HLA-DQA1: variants seen among roughly 807,000 people sequenced by gnomAD.
HLA-DQA1 encodes the protein major histocompatibility complex, class II, DQ alpha 1, also known as HLA class II histocompatibility antigen, DQ alpha 1 chain.
HLA-DQA1 carries 10 observed loss-of-function variants against 20.7 expected under a neutral mutation model. The ratio of observed to expected loss-of-function variants is 0.48; its 90% CI spans 0.30 to 0.82. The LOEUF is 0.82. Among genes scored for constraint, HLA-DQA1 ranks in the 40% least tolerant of loss-of-function variants. The pLI, the probability that HLA-DQA1 is intolerant of heterozygous loss-of-function variation, is 0.07. For missense variants in HLA-DQA1, 127 were observed against 293.0 expected (o/e 0.43, Z 4.14); for synonymous variants, 39 against 109.2 (o/e 0.36, Z 4.01).
At chr6:32,647,808 A>T (rs1782032562), downstream of HLA-DQA1, among the ~76,000 whole-genome samples, 1 of 151,958 alleles carries the variant, frequency 6.6e-6, no homozygotes, top group Non-Finnish European at 1.5e-5. Context: ...TATGTTCATT[A>T]ATTCATCAAA....
At chr6:32,654,134 G>C in the HLA-DQA1 span, among the ~76,000 whole-genome samples, 1 of 74,790 alleles carries the variant, frequency 1.3e-5, no homozygotes, top group Non-Finnish European at 3.1e-5. Flanking sequence ...CTGAAACTCT[G>C]TCTTTACAAA....
chr6:32,639,008 G>A, intron 1 of HLA-DQA1: 1 of 329,378 alleles, frequency 3.0e-6, no homozygotes, highest in South Asian at 2.2e-5. Flanking sequence ...AAGTGAACTG[G>A]AAGGTACTTT....
At chr6:32,644,110 AAACC>A (rs1425919662), downstream of HLA-DQA1, 2 of 152,058 alleles carry the variant, frequency 1.3e-5, no homozygotes, top group African/African-American at 2.4e-5. Flanking sequence ...CTTATGAGAG[AAACC>A]CTAGGAAGAA....
At position 32,641,525 on chromosome 6, in the gene HLA-DQA1, A is replaced by T; in HGVS notation, c.298A>T (p.Ile100Phe). 9.7e-7 allele frequency: 1 copy of T among 1,031,840 alleles called. No individual in the cohort carries two copies. The highest frequency in any genetic ancestry group is 1.5e-5 in the South Asian group (1 of 65,528). The allele number at this position is 1,031,840 out of a possible 1,614,324, so 63.9% of individuals were successfully genotyped here. Residue 100 changes from isoleucine to phenylalanine, a missense_variant, in exon 2 of 5, where the codon ATT (isoleucine) becomes TTT (phenylalanine). Around this residue, in one of 4 missense-constraint regions of HLA-DQA1, gnomAD observed 30 missense variants for 39.9 expected, o/e 0.75. Transcript: ENST00000343139. ...AVAKHNLNIM[I>F]KRYNSTAATN... is the part of the protein sequence containing the mutation. The stretch of plus-strand genomic sequence containing the variant: ...GGCAAAACACAACTTGAACATCATG[A>T]TTAAACGCTACAACTCTACCGCTGC...
At chr6:32,647,724 A>G (rs1269266753), downstream of HLA-DQA1, among the ~76,000 whole-genome samples, 1 of 152,192 alleles carries the variant, frequency 6.6e-6, no homozygotes, top group East Asian at 1.9e-4. Context: ...TGTATGCAAG[A>G]ACTAATAACA....
chr6:32,644,083 A>G (rs9273032), downstream of HLA-DQA1: 129,977 of 151,380 alleles, frequency 0.86, 55,965 homozygotes, highest in Middle Eastern at 0.94. Context: ...ACCCCTCCTG[A>G]CTAAGGAAAG....
At chr6:32,654,851 G>A in the HLA-DQA1 span, among the ~76,000 whole-genome samples, 6 of 93,828 alleles carry the variant, frequency 6.4e-5, 2 homozygotes, top group Admixed American at 5.3e-4. Context: ...ACCCTGTCTC[G>A]GGAAACCCCT....
chr6:32,654,554 A>G, the HLA-DQA1 span, among the ~76,000 whole-genome samples: 8 of 97,298 alleles, frequency 8.2e-5, no homozygotes, highest in East Asian at 1.4e-3. Flanking sequence ...ATAATACCCA[A>G]TGCAATGTAA....
At chr6:32,651,037 C>T (rs1419912472), downstream of HLA-DQA1, among the ~76,000 whole-genome samples, 1 of 84,042 alleles carries the variant, frequency 1.2e-5, no homozygotes, top group South Asian at 3.9e-4. Flanking sequence ...TATAGGCGCC[C>T]GCCATCACGT....
At chr6:32,647,789 A>ACTTGT (rs1782030190), downstream of HLA-DQA1, among the ~76,000 whole-genome samples, 1 of 151,950 alleles carries the variant, frequency 6.6e-6, no homozygotes, top group Admixed American at 6.6e-5. Flanking sequence ...AAGCCCCCAG[A>ACTTGT]CTTGTTTATA....
downstream of HLA-DQA1, chr6:32,645,643 C>T (rs1285018580): frequency 1.9e-5 from 2 of 104,890 alleles, 1 homozygote; most frequent in Non-Finnish European, 4.2e-5. Flanking sequence ...TGTGAACCTA[C>T]AACCGCTTTA....
In HLA-DQA1 at chr6:32,638,567, C is replaced by T. The variant is rs868515119; in HGVS notation, c.82+1027C>T. Among the ~76,000 whole-genome samples, 2 of 99,730 alleles carry T rather than the reference C, an allele frequency of 2.0e-5. 1 individual carries two copies. Among genetic ancestry groups the T allele is most frequent in the Middle Eastern group, 0.013 (2 of 154 alleles). 65.4% of individuals were successfully genotyped at this position (99,730 alleles called of 152,430 possible). Reference sequence around the variant, plus strand: ...TGGTGTGTGCCTGTGGTGCCAGCTACTCAGAAGGCTGCCGTGGGAGGACCA... The same window carrying T: ...TGGTGTGTGCCTGTGGTGCCAGCTATTCAGAAGGCTGCCGTGGGAGGACCA... On this transcript the variant is annotated intron_variant, in intron 1 of 4. Transcript: ENST00000343139.
downstream of HLA-DQA1, chr6:32,644,947 ACACAGAC>A (rs1781791105): frequency 7.9e-6 from 1 of 125,788 alleles, no homozygotes; most frequent in South Asian, 2.5e-4. Context: ...ATAATTTAAA[ACACAGAC>A]TGGGAATCAG....
chr6:32,641,522 A>C lies in HLA-DQA1; in HGVS notation c.295A>C (p.Met99Leu), dbSNP rs1064944. 542 of 996,638 alleles carry C rather than the reference A, an allele frequency of 5.4e-4. 134 individuals are homozygous for C. Among genetic ancestry groups the C allele is most frequent in the Admixed American group, 4.0e-3 (101 of 25,518 alleles). The allele number at this position is 996,638 out of a possible 1,614,324, so 61.7% of individuals were successfully genotyped here. A position where few individuals can be genotyped will look rare whatever the true frequency, so the allele number is the denominator to read the frequency against. Residue 99 changes from methionine to leucine, a missense_variant, in exon 2 of 5, where the codon ATG becomes CTG. By Grantham distance (15) the Met-to-Leu change is conservative. Around this residue, in one of 4 missense-constraint regions of HLA-DQA1, gnomAD observed 30 missense variants for 39.9 expected, o/e 0.75. Coordinates refer to ENST00000343139, the MANE Select transcript of HLA-DQA1 (RefSeq NM_002122.5). ...MAVAKHNLNI[M>L]IKRYNSTAAT... is the part of the protein sequence containing the mutation. ...TGTGGCAAAACACAACTTGAACATC[A>C]TGATTAAACGCTACAACTCTACCGC...
chr6:32,638,235 T>G (rs1245571744), intron 1 of HLA-DQA1, among the ~76,000 whole-genome samples: 3 of 107,942 alleles, frequency 2.8e-5, no homozygotes, highest in African/African-American at 9.7e-5. Context: ...CAGATATAGC[T>G]TCACATTTCT....
downstream of HLA-DQA1, among the ~76,000 whole-genome samples, chr6:32,648,277 T>G (rs1386197061): frequency 2.5e-5 from 2 of 80,714 alleles, no homozygotes; most frequent in Non-Finnish European, 5.5e-5. Context: ...AATTAGAATT[T>G]TATGAGGCCA....
the HLA-DQA1 span, among the ~76,000 whole-genome samples, chr6:32,652,107 C>T: frequency 4.3e-5 from 4 of 92,976 alleles, 2 homozygotes; most frequent in African/African-American, 1.5e-4. Flanking sequence ...GGTGAAACCC[C>T]GTCTCTACTA....
At chr6:32,644,283 C>T (rs1479681881), downstream of HLA-DQA1, 2 of 152,112 alleles carry the variant, frequency 1.3e-5, no homozygotes, top group Non-Finnish European at 2.9e-5. Context: ...ACCATGCTAC[C>T]TGCATCAGTG....
the HLA-DQA1 span, among the ~76,000 whole-genome samples, chr6:32,655,244 C>G: frequency 1.6e-5 from 1 of 61,696 alleles, no homozygotes; most frequent in African/African-American, 5.4e-5. Flanking sequence ...TTTTCTTGTT[C>G]AAATAAAGTT....
Sources: allele counts gnomAD v4.1 joint callset (sites outside exome capture counted in the v4.1 genomes callset), GRCh38; gene constraint gnomAD v4.1.1; regional missense constraint gnomAD v4.1.1; transcripts MANE v1.5; gene names NCBI Gene and HGNC (gene_info 2026-07-23, HGNC 2026-07-21).